CDC42SE2: variants seen among roughly 807,000 people sequenced by gnomAD.
CDC42SE2 encodes CDC42 small effector 2, also known as CDC42 small effector protein 2.
Under a neutral mutation model 11.5 loss-of-function variants are expected in CDC42SE2, and 3 were observed. The ratio of observed to expected loss-of-function variants is 0.26; its 90% CI spans 0.12 to 0.67. The LOEUF (loss-of-function observed/expected upper bound fraction) is 0.67. Among genes scored for constraint, CDC42SE2 ranks in the 30% least tolerant of loss-of-function variants. The pLI is 0.80. For missense variants in CDC42SE2, 82 were observed against 106.8 expected, an observed-to-expected ratio of 0.77 and a Z score of 1.02; for synonymous variants, 33 against 34.8, an observed-to-expected ratio of 0.95 and a Z score of 0.18.
chr5:131,294,261 CACA>C (rs1408249909), intron 1 of CDC42SE2, among the ~76,000 whole-genome samples: 1 of 152,030 alleles, frequency 6.6e-6, no homozygotes, highest in Non-Finnish European at 1.5e-5. Flanking sequence ...AAATCTGGAT[CACA>C]CAAAAATATA....
At chr5:131,354,185 C>A (rs1355714721) in intron 2 of CDC42SE2, among the ~76,000 whole-genome samples, 3 of 152,100 alleles carry the variant, frequency 2.0e-5, no homozygotes, top group African/African-American at 7.2e-5. Flanking sequence ...TTGCGGTGAG[C>A]TGAGATTGCG....
chr5:131,215,865 T>C, the CDC42SE2 span, among the ~76,000 whole-genome samples: 1 of 152,240 alleles, frequency 6.6e-6, no homozygotes, highest in African/African-American at 2.4e-5. Context: ...TTCTCACTGC[T>C]CTTGAAGTGA....
At chr5:131,334,236 C>T (rs944009500) in intron 2 of CDC42SE2, among the ~76,000 whole-genome samples, 1 of 152,108 alleles carries the variant, frequency 6.6e-6, no homozygotes, top group Non-Finnish European at 1.5e-5. Context: ...TGGTTTTTGT[C>T]TTTGGTTCTT....
intron 3 of CDC42SE2, 67 bp from the exon 4 acceptor site, chr5:131,385,476 T>G: frequency 8.7e-7 from 1 of 1,146,280 alleles, no homozygotes; most frequent in Non-Finnish European, 1.3e-6. Context: ...AGTCATAGTA[T>G]AAAAATCCAT....
intron 1 of CDC42SE2, among the ~76,000 whole-genome samples, chr5:131,312,421 G>T (rs981768728): frequency 1.3e-5 from 2 of 152,298 alleles, no homozygotes; most frequent in South Asian, 4.1e-4. Context: ...CCAAGAGGTG[G>T]AGCCTACAGA....
At chr5:131,258,512 T>G (rs993261892) in intron 2 of CDC42SE2, among the ~76,000 whole-genome samples, 2 of 152,054 alleles carry the variant, frequency 1.3e-5, no homozygotes, top group African/African-American at 4.8e-5. Flanking sequence ...TTTGTTACAA[T>G]TCCTAACTTT....
intron 3 of CDC42SE2, among the ~76,000 whole-genome samples, chr5:131,368,910 AT>A (rs532972955): frequency 1.8e-4 from 28 of 152,336 alleles, no homozygotes; most frequent in Middle Eastern, 3.4e-3. Flanking sequence ...GAAAGGATTT[AT>A]TTTACATATA....
intron 3 of CDC42SE2, among the ~76,000 whole-genome samples, chr5:131,359,944 C>T (rs1262858970): frequency 6.6e-6 from 1 of 152,088 alleles, no homozygotes; most frequent in Non-Finnish European, 1.5e-5. Context: ...CTCAGAGCAA[C>T]CCTCTGAGGA....
At chr5:131,237,446 TTTATA>T in the CDC42SE2 span, among the ~76,000 whole-genome samples, 2 of 152,248 alleles carry the variant, frequency 1.3e-5, no homozygotes, top group Non-Finnish European at 2.9e-5. Flanking sequence ...CTGATTTTTC[TTTATA>T]TCTGAGGTAT....
At chr5:131,269,470 T>A (rs551353072) in intron 1 of CDC42SE2, among the ~76,000 whole-genome samples, 2 of 152,134 alleles carry the variant, frequency 1.3e-5, no homozygotes, top group Non-Finnish European at 2.9e-5. Context: ...TATCTTGTAC[T>A]AAAACATAAA....
chr5:131,269,923 C>T (rs764918462), intron 1 of CDC42SE2, among the ~76,000 whole-genome samples: 8 of 139,874 alleles, frequency 5.7e-5, no homozygotes, highest in Non-Finnish European at 7.8e-5. Context: ...TAGCCGGGCG[C>T]GGTGGCTCAG....
At chr5:131,313,356 C>G (rs535550215) in intron 1 of CDC42SE2, among the ~76,000 whole-genome samples, 1 of 152,206 alleles carries the variant, frequency 6.6e-6, no homozygotes, top group East Asian at 1.9e-4. Flanking sequence ...CAGTGTCTTG[C>G]AAATAGCAGA....
At chr5:131,249,231 T>C (rs1756620766) in intron 1 of CDC42SE2, among the ~76,000 whole-genome samples, 1 of 151,600 alleles carries the variant, frequency 6.6e-6, no homozygotes, top group Non-Finnish European at 1.5e-5. Flanking sequence ...TTAACTAGGC[T>C]GATCACAAAC....
chr5:131,359,432 T>G lies in CDC42SE2; in HGVS notation c.-62T>G. The G allele has an allele frequency of 8.0e-7, 1 of 1,242,844 alleles. No individual in the cohort carries two copies. The highest frequency in any genetic ancestry group is 1.2e-5 in the South Asian group (1 of 83,564). 77.0% of individuals were successfully genotyped at this position (1,242,844 alleles called of 1,614,324 possible). On this transcript the variant is annotated 5_prime_UTR_variant, in exon 3 of 5. Transcript: ENST00000505065. Reference sequence around the variant, plus strand: ...ATCATCGTATTGAGGAGCGTATTTTTGGAACTTCCCGAGTTGAGATTTGGA... The same window carrying G: ...ATCATCGTATTGAGGAGCGTATTTTGGGAACTTCCCGAGTTGAGATTTGGA...
At chr5:131,264,492 C>A (rs1756811445) in intron 1 of CDC42SE2, among the ~76,000 whole-genome samples, 1 of 120,208 alleles carries the variant, frequency 8.3e-6, no homozygotes, top group Admixed American at 7.9e-5. Context: ...GAAAGGCAGA[C>A]CCCCCCCCTC....
At chr5:131,212,586 C>T in the CDC42SE2 span, among the ~76,000 whole-genome samples, 48 of 152,282 alleles carry the variant, frequency 3.2e-4, no homozygotes, top group Middle Eastern at 3.4e-3. Flanking sequence ...TCACCACTTA[C>T]GGATATGTGT....
chr5:131,333,355 G>GT (rs1488823585), intron 2 of CDC42SE2, among the ~76,000 whole-genome samples: 4 of 152,222 alleles, frequency 2.6e-5, no homozygotes, highest in East Asian at 3.9e-4. Context: ...GTACCATGCT[G>GT]TTTGGTTACT....
intron 1 of CDC42SE2, among the ~76,000 whole-genome samples, chr5:131,297,624 G>A (rs898225997): frequency 6.6e-6 from 1 of 152,056 alleles, no homozygotes; most frequent in Non-Finnish European, 1.5e-5. Context: ...GGAGGCTGAG[G>A]CAGGAGAATG....
intron 1 of CDC42SE2, among the ~76,000 whole-genome samples, chr5:131,306,810 T>C (rs535574578): frequency 1.3e-5 from 2 of 152,284 alleles, no homozygotes; most frequent in African/African-American, 4.8e-5. Flanking sequence ...TTTCACCTCC[T>C]TGGTTAAATT....
Sources: gnomAD v4.1 joint callset for allele counts (sites outside exome capture counted in the v4.1 genomes callset) on GRCh38, gnomAD v4.1.1 for gene constraint, MANE v1.5 for transcripts, NCBI Gene and HGNC (gene_info 2026-07-23, HGNC 2026-07-21) for gene names.